Variants in ANKS1B observed in about 807,000 individuals in gnomAD.
The protein encoded by ANKS1B is ankyrin repeat and sterile alpha motif domain-containing protein 1B.
A neutral mutation model predicts 148.3 loss-of-function variants in ANKS1B; 36 were observed. The observed-to-expected ratio is 0.24, with a 90% CI of 0.19 to 0.32. The LOEUF (loss-of-function observed/expected upper bound fraction) is 0.32, where lower values mean the gene tolerates loss of function less well. Ranked by LOEUF, ANKS1B falls within the 10% of genes least tolerant of loss-of-function variation. The pLI, the probability that ANKS1B is intolerant of heterozygous loss-of-function variation, is 1.00. For synonymous variants in ANKS1B, 542 were observed against 560.8 expected, an observed-to-expected ratio of 0.97 and a Z score of 0.47; for missense variants, 1,157 against 1,542.6, an observed-to-expected ratio of 0.75 and a Z score of 4.19.
intron 11 of ANKS1B, among the ~76,000 whole-genome samples, chr12:99,430,833 T>C (rs2095357650): frequency 1.3e-5 from 2 of 152,218 alleles, no homozygotes; most frequent in Admixed American, 6.5e-5. Flanking sequence ...ACAGCAAGCA[T>C]ATTCAGTAAC....
At chr12:98,837,799 T>C (rs2099383882) in intron 17 of ANKS1B, among the ~76,000 whole-genome samples, 1 of 152,202 alleles carries the variant, frequency 6.6e-6, no homozygotes, top group South Asian at 2.1e-4. Context: ...TTTAAATTTA[T>C]ATCACATTAA....
intron 1 of ANKS1B, among the ~76,000 whole-genome samples, chr12:99,943,942 T>C (rs1312694201): frequency 6.6e-6 from 1 of 152,078 alleles, no homozygotes; most frequent in Non-Finnish European, 1.5e-5. Context: ...CTCCTAATGC[T>C]ATCCCTCCCC....
intron 3 of ANKS1B, 109 bp from the exon 4 acceptor site, chr12:99,806,809 T>C (rs1460419199): frequency 1.8e-6 from 2 of 1,087,848 alleles, no homozygotes; most frequent in East Asian, 2.6e-5. Context: ...AGTTAAGATT[T>C]ATCCATTTTA....
intron 17 of ANKS1B, among the ~76,000 whole-genome samples, chr12:98,985,399 G>A (rs996955796): frequency 3.3e-5 from 5 of 151,908 alleles, no homozygotes; most frequent in South Asian, 4.1e-4. Flanking sequence ...TTTTAGTTTA[G>A]TTTCCCAACT....
intron 8 of ANKS1B, among the ~76,000 whole-genome samples, chr12:99,713,055 A>G (rs2056847785): frequency 6.6e-6 from 1 of 152,186 alleles, no homozygotes; most frequent in Non-Finnish European, 1.5e-5. Flanking sequence ...TGCTGATACA[A>G]CATTCTCAAA....
chr12:99,701,288 C>T (rs2153520480), intron 8 of ANKS1B, among the ~76,000 whole-genome samples: 1 of 152,244 alleles, frequency 6.6e-6, no homozygotes, highest in East Asian at 1.9e-4. Context: ...AATGTATTAT[C>T]TCTTGGAATC....
intron 11 of ANKS1B, among the ~76,000 whole-genome samples, chr12:99,431,337 A>G (rs2095367323): frequency 6.6e-6 from 1 of 152,230 alleles, no homozygotes; most frequent in Non-Finnish European, 1.5e-5. Flanking sequence ...ATCATAAATA[A>G]ATGGCATATT....
chr12:98,841,591 C>A (rs1219005648), intron 17 of ANKS1B, among the ~76,000 whole-genome samples: 2 of 152,140 alleles, frequency 1.3e-5, no homozygotes, highest in Non-Finnish European at 2.9e-5. Context: ...TTTAAAAATG[C>A]ATCCACAGAT....
At chr12:99,817,986 T>C (rs1358871236) in intron 2 of ANKS1B, among the ~76,000 whole-genome samples, 1 of 151,794 alleles carries the variant, frequency 6.6e-6, no homozygotes, top group East Asian at 1.9e-4. Flanking sequence ...GATAACCATA[T>C]TCAGCAGAAT....
chr12:99,883,790 C>A (rs2092678004), intron 1 of ANKS1B, among the ~76,000 whole-genome samples: 3 of 152,230 alleles, frequency 2.0e-5, no homozygotes, highest in Admixed American at 2.0e-4. Flanking sequence ...TTGGCAGGCA[C>A]CTGTAATCCC....
intron 14 of ANKS1B, among the ~76,000 whole-genome samples, chr12:99,227,426 C>T (rs909671627): frequency 1.3e-5 from 2 of 152,166 alleles, no homozygotes; most frequent in Admixed American, 6.6e-5. Flanking sequence ...ATAAATCACT[C>T]AGTCTCAGGT....
intron 10 of ANKS1B, among the ~76,000 whole-genome samples, chr12:99,452,502 A>G (rs955371874): frequency 6.6e-6 from 1 of 152,238 alleles, no homozygotes; most frequent in African/African-American, 2.4e-5. Flanking sequence ...TGTTCAATAT[A>G]TGCTCATTAA....
Position 99,520,447 on chromosome 12 carries a change from T to TA in ANKS1B, c.1273-15807_1273-15806insT, listed in dbSNP as rs1450714909. Among the ~76,000 whole-genome samples the TA allele has an allele frequency of 2.0e-5, 3 of 152,342 alleles. No individual in the cohort carries two copies. In the East Asian group the frequency reaches 5.8e-4, roughly 29 times the overall value. On this transcript the variant is annotated intron_variant, in intron 9 of 26. Transcript: ENST00000683438. Reference sequence around the variant, plus strand: ...ACTAAAAAGTCTGCTGCCAAACATATTGGAGCTGTTATTTGTTATTTGTTT... The same window carrying TA: ...ACTAAAAAGTCTGCTGCCAAACATATATGGAGCTGTTATTTGTTATTTGTTT...
chr12:98,791,022 T>C (rs2098843978), intron 22 of ANKS1B, among the ~76,000 whole-genome samples: 1 of 152,174 alleles, frequency 6.6e-6, no homozygotes, highest in South Asian at 2.1e-4. Context: ...TGGTGCTCTT[T>C]AGCCTTCTAG....
intron 1 of ANKS1B, among the ~76,000 whole-genome samples, chr12:99,882,904 T>C (rs2092611726): frequency 2.0e-5 from 3 of 152,184 alleles, no homozygotes; most frequent in Non-Finnish European, 1.5e-5. Context: ...CAGAATTCTG[T>C]ATCTAGCAAA....
intron 8 of ANKS1B, among the ~76,000 whole-genome samples, chr12:99,738,452 C>T (rs1309454485): frequency 2.6e-5 from 4 of 152,096 alleles, no homozygotes; most frequent in South Asian, 2.1e-4. Flanking sequence ...TTGAATCTCC[C>T]TCTTTTTATT....
chr12:99,627,732 AG>A (rs1414215058), intron 9 of ANKS1B, among the ~76,000 whole-genome samples: 1 of 152,218 alleles, frequency 6.6e-6, no homozygotes, highest in Non-Finnish European at 1.5e-5. Flanking sequence ...ATCTAAAAGA[AG>A]AGATAAAACA....
intron 1 of ANKS1B, among the ~76,000 whole-genome samples, chr12:99,897,190 A>G (rs1031777602): frequency 3.3e-5 from 5 of 151,300 alleles, no homozygotes; most frequent in Admixed American, 6.6e-5. Flanking sequence ...GCCTTGACAC[A>G]TACATATTTA....
intron 12 of ANKS1B, among the ~76,000 whole-genome samples, chr12:99,256,253 A>G (rs570359133): frequency 6.6e-6 from 1 of 151,688 alleles, no homozygotes; most frequent in East Asian, 1.9e-4. Context: ...CCATCTCAAA[A>G]AAAAAAAAGA....
Sources: gnomAD v4.1 joint callset for allele counts (sites outside exome capture counted in the v4.1 genomes callset) on GRCh38, gnomAD v4.1.1 for gene constraint, MANE v1.5 for transcripts, NCBI Gene and HGNC (gene_info 2026-07-23, HGNC 2026-07-21) for gene names.